Variants in EPHA6 observed in about 807,000 individuals in gnomAD.
The protein encoded by EPHA6 is EPH receptor A6.
EPHA6 carries 50 observed loss-of-function variants against 112.0 expected under a neutral mutation model. That is an observed-to-expected ratio of 0.45 (90% CI 0.36 to 0.56). The LOEUF is 0.56. EPHA6 is among the 20% of genes least tolerant of loss of function. EPHA6 has a pLI of 0.00. For synonymous variants in EPHA6, 529 were observed against 490.7 expected, an observed-to-expected ratio of 1.08 and a Z score of -1.03; for missense variants, 1,280 against 1,417.4, an observed-to-expected ratio of 0.90 and a Z score of 1.56.
At chr3:97,541,034 T>C (rs1560115672) in intron 11 of EPHA6, among the ~76,000 whole-genome samples, 1 of 152,132 alleles carries the variant, frequency 6.6e-6, no homozygotes, top group Admixed American at 6.6e-5. Context: ...CTTCACCAAG[T>C]TTCTAATGGT....
intron 3 of EPHA6, among the ~76,000 whole-genome samples, chr3:97,116,846 T>A (rs2047902035): frequency 1.3e-5 from 2 of 151,698 alleles, no homozygotes; most frequent in East Asian, 3.9e-4. Flanking sequence ...TTTGGACATA[T>A]ATTTAGAAGT....
At chr3:97,130,295 C>T (rs1183409319) in intron 3 of EPHA6, among the ~76,000 whole-genome samples, 1 of 151,626 alleles carries the variant, frequency 6.6e-6, no homozygotes, top group Non-Finnish European at 1.5e-5. Context: ...TTCATTTTTT[C>T]TCTAGTTACC....
At chr3:97,009,311 G>A (rs1281136038) in intron 3 of EPHA6, among the ~76,000 whole-genome samples, 3 of 152,202 alleles carry the variant, frequency 2.0e-5, no homozygotes, top group African/African-American at 4.8e-5. Context: ...TCTGGCTGGA[G>A]TTACTGGAGA....
chr3:96,965,302 C>T (rs1484836451), intron 2 of EPHA6, among the ~76,000 whole-genome samples: 3 of 151,972 alleles, frequency 2.0e-5, no homozygotes, highest in Admixed American at 6.6e-5. Flanking sequence ...GCTTTAACAC[C>T]GTATAAGGCT....
intron 2 of EPHA6, among the ~76,000 whole-genome samples, chr3:96,941,241 A>G (rs942508705): frequency 1.3e-5 from 2 of 152,174 alleles, no homozygotes; most frequent in Non-Finnish European, 2.9e-5. Flanking sequence ...TACACCAATC[A>G]GTCGTAGATT....
At chr3:97,518,208 A>C (rs1215125932) in intron 10 of EPHA6, among the ~76,000 whole-genome samples, 2 of 152,140 alleles carry the variant, frequency 1.3e-5, no homozygotes, top group African/African-American at 4.8e-5. Flanking sequence ...TCCTGCCAAC[A>C]GTGCACAAGG....
intron 3 of EPHA6, among the ~76,000 whole-genome samples, chr3:97,105,113 G>GTT: frequency 6.7e-6 from 1 of 149,996 alleles, no homozygotes; most frequent in African/African-American, 2.4e-5. Flanking sequence ...GCCTTTGAAT[G>GTT]TTTTTTTTGT....
intron 13 of EPHA6, among the ~76,000 whole-genome samples, chr3:97,612,085 G>A (rs1207031153): frequency 6.6e-6 from 1 of 152,050 alleles, no homozygotes; most frequent in African/African-American, 2.4e-5. Flanking sequence ...ATTCAGAGGT[G>A]TTTGGGGACA....
chr3:97,673,662 G>A (rs962199099), intron 14 of EPHA6, among the ~76,000 whole-genome samples: 3 of 152,158 alleles, frequency 2.0e-5, no homozygotes, highest in African/African-American at 7.2e-5. Context: ...CTCTATCAGG[G>A]TAAACTTTAT....
At chr3:97,487,839 T>C (rs1474542736) in intron 10 of EPHA6, among the ~76,000 whole-genome samples, 1 of 152,190 alleles carries the variant, frequency 6.6e-6, no homozygotes, top group Non-Finnish European at 1.5e-5. Flanking sequence ...TTGGCTTTTT[T>C]GCACTATAAA....
rs1576703644 is a variant in EPHA6, at chr3:97,218,133, T to A, written c.1115-8131T>A. 2.0e-5 allele frequency among the ~76,000 whole-genome samples: 3 copies of A among 152,086 alleles called. No individual in the cohort carries two copies. The East Asian group carries it at 5.9e-4, about 30-fold the overall frequency. On this transcript the variant is annotated intron_variant, in intron 3 of 17. Coordinates refer to ENST00000389672, the MANE Select transcript of EPHA6 (RefSeq NM_001080448.3). ...CAAAAAATACAAAAATTAGCTGGCA[T>A]GGTGGTGCATGCCTGTAGTCCCAGC...
At chr3:97,548,371 A>C (rs895624946) in intron 11 of EPHA6, among the ~76,000 whole-genome samples, 45 of 152,304 alleles carry the variant, frequency 3.0e-4, no homozygotes, top group African/African-American at 1.0e-3. Context: ...TGATTAAGAG[A>C]GTATCTTCTA....
intron 1 of EPHA6, among the ~76,000 whole-genome samples, chr3:96,835,664 AC>A (rs1265020022): frequency 1.3e-5 from 2 of 152,120 alleles, no homozygotes; most frequent in East Asian, 3.9e-4. Flanking sequence ...AAAGTTCTTG[AC>A]CCCGGCTGCA....
intron 5 of EPHA6, among the ~76,000 whole-genome samples, chr3:97,260,145 T>C (rs543475245): frequency 6.6e-6 from 1 of 152,288 alleles, no homozygotes; most frequent in Admixed American, 6.5e-5. Flanking sequence ...AGATACAAAT[T>C]GTAAATGCTT....
chr3:97,463,475 A>T (rs1004795131), intron 7 of EPHA6, among the ~76,000 whole-genome samples: 1 of 152,308 alleles, frequency 6.6e-6, no homozygotes, highest in South Asian at 2.1e-4. Flanking sequence ...GAACATAATC[A>T]TTACTAGAGA....
At chr3:96,903,800 A>G (rs1224326732) in intron 2 of EPHA6, among the ~76,000 whole-genome samples, 1 of 152,202 alleles carries the variant, frequency 6.6e-6, no homozygotes, top group Non-Finnish European at 1.5e-5. Flanking sequence ...GGCAAAGGAA[A>G]TGAATAGACA....
chr3:97,147,853 A>G (rs1390085748), intron 3 of EPHA6, among the ~76,000 whole-genome samples: 1 of 152,090 alleles, frequency 6.6e-6, no homozygotes, highest in Non-Finnish European at 1.5e-5. Context: ...AGTACTAGAA[A>G]AGAAACTGGA....
intron 5 of EPHA6, among the ~76,000 whole-genome samples, chr3:97,385,374 T>C (rs2085999748): frequency 6.6e-6 from 1 of 152,160 alleles, no homozygotes; most frequent in South Asian, 2.1e-4. Flanking sequence ...ATAATCTATA[T>C]TGTAATAACT....
At chr3:97,054,346 A>G (rs1410151320) in intron 3 of EPHA6, among the ~76,000 whole-genome samples, 2 of 152,164 alleles carry the variant, frequency 1.3e-5, no homozygotes, top group Admixed American at 6.6e-5. Context: ...ACTGCAATTC[A>G]CAAACACCAG....
Sources: allele counts gnomAD v4.1 joint callset (sites outside exome capture counted in the v4.1 genomes callset), GRCh38; gene constraint gnomAD v4.1.1; transcripts MANE v1.5; gene names NCBI Gene and HGNC (gene_info 2026-07-23, HGNC 2026-07-21).